SPOCK1: variants seen among roughly 807,000 people sequenced by gnomAD.
SPOCK1 encodes SPARC (osteonectin), cwcv and kazal like domains proteoglycan 1.
Under a neutral mutation model 55.3 loss-of-function variants are expected in SPOCK1, and 23 were observed. The ratio of observed to expected loss-of-function variants is 0.42; its 90% CI spans 0.30 to 0.59. The LOEUF (loss-of-function observed/expected upper bound fraction) is 0.59. Ranked by LOEUF, SPOCK1 falls within the 20% of genes least tolerant of loss-of-function variation. SPOCK1 has a pLI of 0.22. For missense variants in SPOCK1, 499 were observed against 552.5 expected, an observed-to-expected ratio of 0.90 and a Z score of 0.97; for synonymous variants, 226 against 221.0, an observed-to-expected ratio of 1.02 and a Z score of -0.20.
intron 3 of SPOCK1, among the ~76,000 whole-genome samples, chr5:137,216,018 C>A (rs1278227789): frequency 6.6e-6 from 1 of 152,150 alleles, no homozygotes; most frequent in Non-Finnish European, 1.5e-5. Flanking sequence ...AGCAAATGAT[C>A]CAGGGGGCAT....
At chr5:137,154,750 G>C (rs1230592560) in intron 3 of SPOCK1, among the ~76,000 whole-genome samples, 1 of 152,120 alleles carries the variant, frequency 6.6e-6, no homozygotes, top group Non-Finnish European at 1.5e-5. Flanking sequence ...TTCAACACAG[G>C]GTTCTTAAGT....
chr5:137,116,096 C>A (rs1753573274), intron 4 of SPOCK1, among the ~76,000 whole-genome samples: 1 of 152,166 alleles, frequency 6.6e-6, no homozygotes, highest in African/African-American at 2.4e-5. Context: ...TCCACCCCAG[C>A]CCAGCTGGTG....
intron 2 of SPOCK1, among the ~76,000 whole-genome samples, chr5:137,356,032 T>G (rs1410434808): frequency 1.3e-5 from 2 of 152,212 alleles, no homozygotes; most frequent in Admixed American, 6.5e-5. Context: ...AAGGAACCTA[T>G]GTACTTCTGA....
intron 2 of SPOCK1, among the ~76,000 whole-genome samples, chr5:137,318,367 T>G (rs1356434121): frequency 6.6e-6 from 1 of 152,178 alleles, no homozygotes; most frequent in Middle Eastern, 3.2e-3. Flanking sequence ...AAGGCTGTCC[T>G]TAAATAATAA....
intron 2 of SPOCK1, among the ~76,000 whole-genome samples, chr5:137,315,786 A>G (rs1345037878): frequency 2.6e-5 from 4 of 152,194 alleles, no homozygotes; most frequent in Non-Finnish European, 4.4e-5. Flanking sequence ...AATGATACAG[A>G]CAACTTATCC....
chr5:137,371,746 A>T (rs1229514422), intron 2 of SPOCK1, among the ~76,000 whole-genome samples: 7 of 152,214 alleles, frequency 4.6e-5, no homozygotes, highest in African/African-American at 1.4e-4. Context: ...TAAGATGATG[A>T]TGACGATAAT....
In SPOCK1 at chr5:137,238,683, C is replaced by A. The variant is rs562910296; in HGVS notation, c.232+28327G>T. ...CCAAAGACACTGAAGAGGTACTGAG[C>A]AAAATTCACCCAGTCTTGGTAACAA... On this transcript the variant is annotated intron_variant, in intron 3 of 10. Transcript: ENST00000394945. Among the ~76,000 whole-genome samples the A allele has an allele frequency of 1.9e-4, 29 of 152,288 alleles. 1 individual carries two copies. In the South Asian group the frequency reaches 5.4e-3, roughly 28 times the overall value.
At chr5:136,979,493 T>G in intron 9 of SPOCK1, 24 bp from the exon 10 acceptor site, 1 of 1,572,616 alleles carries the variant, frequency 6.4e-7, no homozygotes, top group Non-Finnish European at 8.6e-7. Context: ...AGGTGCAACT[T>G]TAATCAGAGA....
intron 3 of SPOCK1, among the ~76,000 whole-genome samples, chr5:137,157,499 T>C (rs755947085): frequency 6.6e-6 from 1 of 152,198 alleles, no homozygotes; most frequent in Non-Finnish European, 1.5e-5. Context: ...CTAAATGCTG[T>C]TGGATTCCAG....
At chr5:137,110,876 C>A (rs1753453809) in intron 5 of SPOCK1, among the ~76,000 whole-genome samples, 1 of 152,100 alleles carries the variant, frequency 6.6e-6, no homozygotes, top group Non-Finnish European at 1.5e-5. Context: ...ACCAATCAAG[C>A]AATGATATGC....
chr5:137,417,966 T>C (rs6867071), intron 2 of SPOCK1, among the ~76,000 whole-genome samples: 151,952 of 152,224 alleles, frequency 1, 75,841 homozygotes, highest in East Asian at 1. Flanking sequence ...CCCGCTACCC[T>C]ACAACAGGCC....
chr5:137,088,431 G>A (rs1408849062), intron 5 of SPOCK1, among the ~76,000 whole-genome samples: 1 of 152,202 alleles, frequency 6.6e-6, no homozygotes, highest in Non-Finnish European at 1.5e-5. Flanking sequence ...ATATGGGTTT[G>A]TTTCTACTTT....
At position 137,043,270 on chromosome 5, in the gene SPOCK1, T is replaced by C. The variant is rs77164339; in HGVS notation, c.589+24445A>G. 6.9e-4 allele frequency among the ~76,000 whole-genome samples: 105 copies of C among 152,280 alleles called. 1 individual carries two copies. Among genetic ancestry groups the C allele is most frequent in the African/African-American group, 2.4e-3 (101 of 41,562 alleles). ...ATTATAACCTCAAGCACAAAATATA[T>C]ATCCATGAGTCCACATTATATAAAT... On this transcript the variant is annotated intron_variant, in intron 6 of 10. Transcript: ENST00000394945.
chr5:137,024,765 TA>T (rs1480473207), intron 6 of SPOCK1, among the ~76,000 whole-genome samples: 1 of 152,198 alleles, frequency 6.6e-6, no homozygotes, highest in African/African-American at 2.4e-5. Context: ...TCTGGGTATT[TA>T]TCCAAAGGAA....
At chr5:137,469,048 T>A (rs1753679226) in intron 2 of SPOCK1, among the ~76,000 whole-genome samples, 1 of 152,180 alleles carries the variant, frequency 6.6e-6, no homozygotes, top group Non-Finnish European at 1.5e-5. Context: ...GGCCCTAAAT[T>A]TAGAGTTTGT....
chr5:137,184,284 A>G (rs1243494814), intron 3 of SPOCK1, among the ~76,000 whole-genome samples: 2 of 152,156 alleles, frequency 1.3e-5, no homozygotes, highest in Admixed American at 6.5e-5. Context: ...GAGTCAGAGG[A>G]AACCAATGAG....
intron 3 of SPOCK1, among the ~76,000 whole-genome samples, chr5:137,149,447 A>G (rs904800597): frequency 2.6e-5 from 4 of 152,264 alleles, no homozygotes; most frequent in Non-Finnish European, 4.4e-5. Context: ...ACATTTATGA[A>G]CAAAGGAGAG....
At chr5:137,498,910 ACGGTG>A (rs11278128) in intron 1 of SPOCK1, among the ~76,000 whole-genome samples, 151,821 of 152,044 alleles carry the variant, frequency 1, 75,799 homozygotes, top group Middle Eastern at 1. Flanking sequence ...ACTCCCACAG[ACGGTG>A]CGGTGCACAC....
intron 6 of SPOCK1, among the ~76,000 whole-genome samples, chr5:137,043,786 G>A (rs925647717): frequency 2.6e-5 from 4 of 152,156 alleles, no homozygotes; most frequent in Admixed American, 6.5e-5. Flanking sequence ...TGTTAGCAAA[G>A]CCTAAGAAGA....
Sources: allele counts gnomAD v4.1 joint callset (sites outside exome capture counted in the v4.1 genomes callset), GRCh38; gene constraint gnomAD v4.1.1; transcripts MANE v1.5; gene names NCBI Gene and HGNC (gene_info 2026-07-23, HGNC 2026-07-21).